The following DLGAP2 variants were observed in gnomAD, a reference collection of about 807,000 sequenced individuals.
DLGAP2 encodes DLG associated protein 2.
In DLGAP2, 26 loss-of-function variants were observed where a neutral mutation model predicts 100.3. That is an observed-to-expected ratio of 0.26 (90% confidence interval 0.19 to 0.36). The LOEUF is 0.36. Ranked by LOEUF, DLGAP2 falls within the 10% of genes least tolerant of loss-of-function variation. DLGAP2 has a pLI of 1.00. For missense variants in DLGAP2, 1,858 were observed against 1,453.2 expected (o/e 1.28, Z -4.53); for synonymous variants, 886 against 630.1 (o/e 1.41, Z -6.08).
chr8:965,015 G>T (rs1189481405), intron 2 of DLGAP2, among the ~76,000 whole-genome samples: 1 of 149,636 alleles, frequency 6.7e-6, no homozygotes, highest in Non-Finnish European at 1.5e-5. Flanking sequence ...TCCTGAGTCT[G>T]ACCCCTGCGC....
chr8:1,654,490 C>T (rs1798238086), intron 8 of DLGAP2, among the ~76,000 whole-genome samples: 1 of 151,720 alleles, frequency 6.6e-6, no homozygotes, highest in African/African-American at 2.4e-5. Flanking sequence ...GGTGAAACCC[C>T]ATCTCTACTA....
chr8:977,107 G>C (rs1800184560), intron 2 of DLGAP2, among the ~76,000 whole-genome samples: 1 of 152,216 alleles, frequency 6.6e-6, no homozygotes, highest in Non-Finnish European at 1.5e-5. Context: ...ACTCAGCCAA[G>C]ATAAGAGGTC....
chr8:906,468 G>T (rs1475821593), intron 1 of DLGAP2, among the ~76,000 whole-genome samples: 3 of 152,212 alleles, frequency 2.0e-5, no homozygotes, highest in African/African-American at 7.2e-5. Context: ...GAATGGGCAT[G>T]GCTGTGGAAT....
At chr8:805,738 C>G (rs916619153) in intron 1 of DLGAP2, among the ~76,000 whole-genome samples, 25 of 152,176 alleles carry the variant, frequency 1.6e-4, no homozygotes, top group Non-Finnish European at 8.8e-5. Context: ...GTAGCTGGGA[C>G]TACTCCTGAG....
At chr8:1,492,966 A>G (rs1485837397) in intron 3 of DLGAP2, among the ~76,000 whole-genome samples, 4 of 152,168 alleles carry the variant, frequency 2.6e-5, no homozygotes, top group Admixed American at 2.0e-4. Context: ...CGCATAGGGA[A>G]CAGGTAGCAT....
intron 3 of DLGAP2, among the ~76,000 whole-genome samples, chr8:1,332,805 C>T (rs1055312716): frequency 6.6e-6 from 1 of 152,164 alleles, no homozygotes; most frequent in Non-Finnish European, 1.5e-5. Context: ...CATTCATAAC[C>T]AAGCATCAGA....
At chr8:1,231,611 A>C (rs1798537005) in intron 2 of DLGAP2, among the ~76,000 whole-genome samples, 1 of 152,228 alleles carries the variant, frequency 6.6e-6, no homozygotes, top group African/African-American at 2.4e-5. Context: ...GGACTGGATA[A>C]AGAAAATGGC....
At chr8:1,337,467 G>GTT (rs1801313855) in intron 3 of DLGAP2, among the ~76,000 whole-genome samples, 1 of 66,210 alleles carries the variant, frequency 1.5e-5, no homozygotes, top group African/African-American at 1.1e-4. Context: ...TGAGAATGGT[G>GTT]AGGATGATGG....
intron 1 of DLGAP2, among the ~76,000 whole-genome samples, chr8:824,889 G>A (rs1563051279): frequency 6.6e-6 from 1 of 152,160 alleles, no homozygotes; most frequent in African/African-American, 2.4e-5. Flanking sequence ...TTGTCCCCTG[G>A]CATCTCACTC....
intron 3 of DLGAP2, among the ~76,000 whole-genome samples, chr8:1,337,355 G>T (rs201510297): frequency 1.0e-4 from 12 of 117,942 alleles, no homozygotes; most frequent in African/African-American, 2.1e-4. Context: ...AGGATGATGG[G>T]GGTGAGGATG....
chr8:785,139 C>G (rs1025971214), intron 1 of DLGAP2, among the ~76,000 whole-genome samples: 3 of 137,042 alleles, frequency 2.2e-5, no homozygotes, highest in Non-Finnish European at 4.6e-5. Flanking sequence ...ATGGGGTGAA[C>G]CTGGGAGGCG....
chr8:1,592,157 C>G (rs1796312212), intron 6 of DLGAP2, among the ~76,000 whole-genome samples: 1 of 152,298 alleles, frequency 6.6e-6, no homozygotes, highest in East Asian at 1.9e-4. Context: ...CCCAGGCTTA[C>G]CTAACGGGGC....
chr8:857,904 CTTG>C (rs1797312332), intron 1 of DLGAP2, among the ~76,000 whole-genome samples: 1 of 150,970 alleles, frequency 6.6e-6, no homozygotes, highest in East Asian at 1.9e-4. Context: ...GAGCCTCGCT[CTTG>C]TTGCCCAGGC....
At chr8:946,484 CG>C (rs1400946066) in intron 2 of DLGAP2, among the ~76,000 whole-genome samples, 1 of 151,944 alleles carries the variant, frequency 6.6e-6, no homozygotes, top group African/African-American at 2.4e-5. Flanking sequence ...AGGATGGTCT[CG>C]ATCTCCTGAC....
intron 2 of DLGAP2, among the ~76,000 whole-genome samples, chr8:965,764 CTG>C (rs1193389720): frequency 7.4e-6 from 1 of 134,934 alleles, no homozygotes; most frequent in Non-Finnish European, 1.6e-5. Context: ...AGTCTGACCC[CTG>C]CGCTGCACAC....
chr8:1,326,475 G>A (rs191440345), intron 3 of DLGAP2, among the ~76,000 whole-genome samples: 361 of 151,522 alleles, frequency 2.4e-3, no homozygotes, highest in African/African-American at 8.1e-3. Flanking sequence ...CATGGCACGC[G>A]CTCGGTCTCG....
At chr8:933,021 T>C (rs1425698899) in intron 2 of DLGAP2, among the ~76,000 whole-genome samples, 1 of 152,248 alleles carries the variant, frequency 6.6e-6, no homozygotes, top group Non-Finnish European at 1.5e-5. Flanking sequence ...CAAGAATATG[T>C]GGGAAGGAAG....
chr8:1,684,719 G>A (rs182783790), intron 12 of DLGAP2, among the ~76,000 whole-genome samples: 3 of 136,708 alleles, frequency 2.2e-5, no homozygotes, highest in South Asian at 2.8e-4. Context: ...CATTAGTAAT[G>A]TTTTAAGATT....
At chr8:1,206,475 C>T (rs867649708) in intron 2 of DLGAP2, among the ~76,000 whole-genome samples, 2 of 151,182 alleles carry the variant, frequency 1.3e-5, no homozygotes, top group African/African-American at 4.9e-5. Context: ...GGTTAATCTC[C>T]AGCCATCCGT....
Sources: allele counts gnomAD v4.1 joint callset (sites outside exome capture counted in the v4.1 genomes callset), GRCh38; gene constraint gnomAD v4.1.1; transcripts MANE v1.5; gene names NCBI Gene and HGNC (gene_info 2026-07-23, HGNC 2026-07-21).